BRD9: variants seen among roughly 807,000 people sequenced by gnomAD.
BRD9 encodes the protein bromodomain-containing protein 9.
Under a neutral mutation model 68.7 loss-of-function variants are expected in BRD9, and 47 were observed. The ratio of observed to expected loss-of-function variants is 0.68; its 90% CI spans 0.54 to 0.87. The LOEUF (loss-of-function observed/expected upper bound fraction) is 0.87. BRD9 is among the 40% of genes least tolerant of loss of function. BRD9 has a pLI of 0.00. For synonymous variants in BRD9, 313 were observed against 293.9 expected, an observed-to-expected ratio of 1.06 and a Z score of -0.67; for missense variants, 670 against 748.4, an observed-to-expected ratio of 0.90 and a Z score of 1.22.
At chr5:869,086 T>G in intron 14 of BRD9, 1 of 292,248 alleles carries the variant, frequency 3.4e-6, no homozygotes. Flanking sequence ...CTCTATGAAT[T>G]TCCTAGAGTG....
At chr5:874,407 G>A (rs1297929893) in intron 12 of BRD9, among the ~76,000 whole-genome samples, 1 of 152,196 alleles carries the variant, frequency 6.6e-6, no homozygotes, top group Non-Finnish European at 1.5e-5. Context: ...TTTTGCATTA[G>A]TTTTTTAAGA....
rs192493759 is a variant in BRD9 at position 888,076 on chromosome 5, G to A, written c.607-605C>T. Among the ~76,000 whole-genome samples the A allele has an allele frequency of 1.3e-3, 193 of 152,294 alleles. 1 individual carries two copies. Among genetic ancestry groups the A allele is most frequent in the Non-Finnish European group, 1.3e-3 (87 of 68,026 alleles). On this transcript the variant is annotated intron_variant, in intron 5 of 15. Coordinates refer to ENST00000467963, the MANE Select transcript of BRD9 (RefSeq NM_023924.5). ...CAACGTCAGGCTGGAGCATGACCCCGGAGGCCGGCCACCCTAACTGAGAAC... is the reference window on the plus strand; with the variant it reads ...CAACGTCAGGCTGGAGCATGACCCCAGAGGCCGGCCACCCTAACTGAGAAC...
In BRD9 at chr5:891,138, T is replaced by C. The variant is rs1650360155; in HGVS notation, c.400+17A>G. 6.5e-7 allele frequency: 1 copy of C among 1,544,064 alleles called. No homozygotes were observed. Among genetic ancestry groups the C allele is most frequent in the Non-Finnish European group, 8.8e-7 (1 of 1,142,534 alleles). ...GAGCTGTGAACACCAGGAGAGTCTC[T>C]AAAAGTGCACCCTTGCCTGGCTGTG... On this transcript the variant is annotated intron_variant, in intron 3 of 15. Coordinates refer to ENST00000467963, the MANE Select transcript of BRD9 (RefSeq NM_023924.5).
At chr5:871,234 G>A (rs968390088) in intron 13 of BRD9, among the ~76,000 whole-genome samples, 9 of 152,232 alleles carry the variant, frequency 5.9e-5, no homozygotes, top group African/African-American at 2.2e-4. Flanking sequence ...AGCAGGTCCT[G>A]AGAAGGCCCA....
intron 7 of BRD9, 101 bp downstream of exon 7, chr5:886,491 C>T: frequency 8.8e-7 from 1 of 1,138,244 alleles, no homozygotes. Context: ...TGTGACATGA[C>T]ATCCGTTCTC....
At position 875,158 on chromosome 5, in the gene BRD9, G is replaced by A. The variant is rs139448360; in HGVS notation, c.1383+943C>T. The stretch of plus-strand genomic sequence containing the variant: ...CCCGTCCTGCCGAGGGCCCGGGAGT[G>A]AGCAGCCGAGGCTCTGTGAGCCACA... On this transcript the variant is annotated intron_variant, in intron 12 of 15. Coordinates refer to ENST00000467963, the MANE Select transcript of BRD9 (RefSeq NM_023924.5). Among the ~76,000 whole-genome samples, 313 of 152,302 alleles carry A rather than the reference G, an allele frequency of 2.1e-3. 2 individuals carry two copies. The highest frequency in any genetic ancestry group is 7.2e-3 in the African/African-American group (298 of 41,566).
At chr5:891,337 G>A (rs139902677) in intron 2 of BRD9, 50 bp from the exon 3 acceptor site, 107 of 1,537,354 alleles carry the variant, frequency 7.0e-5, no homozygotes, top group Non-Finnish European at 8.3e-5. Flanking sequence ...GGCGGGATCC[G>A]GACAGGTCTG....
Position 876,216 on chromosome 5 carries a change from GA to G in BRD9, c.1272-5del. The stretch of plus-strand genomic sequence containing the variant: ...ATCCTTCACAAACTCCTGCAGGCTA[GA>G]GGGGCCGCGGGAGAAGGTACGCTGA... On this transcript the variant is annotated splice_region_variant and splice_polypyrimidine_tract_variant and intron_variant, in intron 11 of 15. Coordinates refer to ENST00000467963, the MANE Select transcript of BRD9 (RefSeq NM_023924.5). 6.2e-7 allele frequency: 1 copy of G among 1,611,026 alleles called. No homozygotes were observed. The highest frequency in any genetic ancestry group is 1.1e-5 in the South Asian group (1 of 91,026).
chr5:887,563 G>C (rs886106422), intron 5 of BRD9, 92 bp from the exon 6 acceptor site: 2 of 947,992 alleles, frequency 2.1e-6, no homozygotes, highest in Non-Finnish European at 3.3e-6. Flanking sequence ...AAAGGAAAAA[G>C]CTACAATCGA....
chr5:881,364 C>G, intron 8 of BRD9, 182 bp from the exon 9 acceptor site: 1 of 635,400 alleles, frequency 1.6e-6, no homozygotes, highest in Non-Finnish European at 2.8e-6. Context: ...AGAGCGCGCA[C>G]AGGTGCCAAG....
At chr5:887,307 CG>C in intron 6 of BRD9, 53 bp downstream of exon 6, 7 of 1,460,226 alleles carry the variant, frequency 4.8e-6, no homozygotes, top group East Asian at 4.5e-5. Context: ...GCACAAGCGA[CG>C]GGGGGCAGAG....
chr5:889,312 G>A (rs1753008161), intron 4 of BRD9, 147 bp from the exon 5 acceptor site: 4 of 980,318 alleles, frequency 4.1e-6, no homozygotes, highest in Non-Finnish European at 5.9e-6. Flanking sequence ...ATTGTGATAG[G>A]TATTTCAGAT....
chr5:876,293 G>T (rs1215606475), intron 11 of BRD9, 81 bp from the exon 12 acceptor site: 2 of 1,062,370 alleles, frequency 1.9e-6, no homozygotes, highest in African/African-American at 1.6e-5. Flanking sequence ...ACAGAAGCCT[G>T]CCGTGCCAGC....
rs1478421228 is a variant in BRD9 at position 864,543 on chromosome 5, C to T, written c.1719G>A (p.Gly573=). The change falls in exon 16 of 16, where the codon GGG becomes GGA. Residue 573 remains glycine (G), a synonymous_variant. Coordinates refer to ENST00000467963, the MANE Select transcript of BRD9 (RefSeq NM_023924.5). ...GGTCGTGGGTGACGTCTGGCTGCTC[C>T]CCGACACTCAGGCGAGAAGGGCTTC... The part of the protein sequence containing the change: ...HLGSPSRLSV[G]EQPDVTHDPY... 6.2e-7 allele frequency: 1 copy of T among 1,613,890 alleles called. No individual in the cohort carries two copies.
In BRD9 at chr5:891,758, C is replaced by T; in HGVS notation, c.149G>A (p.Ser50Asn). 1.9e-6 allele frequency: 3 copies of T among 1,551,694 alleles called. No homozygotes were observed. Among genetic ancestry groups the T allele is most frequent in the Non-Finnish European group, 2.6e-6 (3 of 1,147,006 alleles). Residue 50 changes from serine (S) to asparagine (N), a missense_variant, in exon 2 of 16, where the codon AGT becomes AAT. By Grantham distance (46) the Ser-to-Asn change is conservative (BLOSUM62 1). This residue lies in a region of BRD9 where 161 missense variants were observed against 148.1 expected (regional missense o/e 1.09). Coordinates refer to ENST00000467963, the MANE Select transcript of BRD9 (RefSeq NM_023924.5). ...ATGGTCTGACCTGTCATCATAGTAA[C>T]TGGAGTCGTGGCCGGATCCTGAGAG... ...TELSGSGHDS[S>N]YYDDRSDHER...
chr5:866,994 A>C (rs969490968), intron 14 of BRD9, among the ~76,000 whole-genome samples: 2 of 152,240 alleles, frequency 1.3e-5, no homozygotes, highest in African/African-American at 4.8e-5. Context: ...GACATTTCAA[A>C]GACCTTTGCC....
In BRD9 at chr5:865,525, T is replaced by C; in HGVS notation, c.1582A>G (p.Thr528Ala). ...DDSHLNLDET[T>A]KLLQDLHEAQ... The stretch of plus-strand genomic sequence containing the variant: ...TCGTGCAGGTCCTGCAGGAGCTTCG[T>C]CGTCTCATCCAAGTTCAAATGGCTG... Residue 528 changes from threonine (T) to alanine (A), a missense_variant, in exon 15 of 16, where the codon ACG becomes GCG. Thr to Ala is a moderately conservative substitution (Grantham distance 58). This residue lies in a region of BRD9 where 280 missense variants were observed against 281.5 expected (regional missense o/e 0.99). Transcript: ENST00000467963. 1.2e-6 allele frequency: 2 copies of C among 1,607,272 alleles called. No individual in the cohort carries two copies. Among genetic ancestry groups the C allele is most frequent in the Non-Finnish European group, 1.7e-6 (2 of 1,179,068 alleles).
chr5:874,708 A>T (rs1750647174), intron 12 of BRD9, among the ~76,000 whole-genome samples: 1 of 152,258 alleles, frequency 6.6e-6, no homozygotes, highest in South Asian at 2.1e-4. Flanking sequence ...GAGAAGATAC[A>T]CAAAAGCAGC....
In BRD9 at chr5:864,708, T is replaced by C. The variant is rs73730994; in HGVS notation, c.1694-140A>G. 414 of 662,916 alleles carry C rather than the reference T, an allele frequency of 6.2e-4. 3 individuals are homozygous for C. In the African/African-American group the frequency reaches 7.0e-3, roughly 11 times the overall value. 41.1% of individuals were successfully genotyped at this position (662,916 alleles called of 1,614,324 possible). On this transcript the variant is annotated intron_variant, in intron 15 of 15. Coordinates refer to ENST00000467963, the MANE Select transcript of BRD9 (RefSeq NM_023924.5). ...GGACACAGGGGCACCTCTCACTCCC[T>C]GCCAAGGAGAGCTGTGTGTAGAGAC...
Sources: gnomAD v4.1 joint callset for allele counts (sites outside exome capture counted in the v4.1 genomes callset) on GRCh38, gnomAD v4.1.1 for gene constraint, gnomAD v4.1.1 regional missense constraint, MANE v1.5 for transcripts, NCBI Gene and HGNC (gene_info 2026-07-23, HGNC 2026-07-21) for gene names.